Variants in KLF8 observed in about 807,000 individuals in gnomAD.
KLF8 encodes the protein KLF transcription factor 8, also known as Krueppel-like factor 8.
In KLF8, 10 loss-of-function variants were observed where a neutral mutation model predicts 18.2. The ratio of observed to expected loss-of-function variants is 0.55; its 90% CI spans 0.34 to 0.93. The LOEUF is 0.93. KLF8 is among the 40% of genes least tolerant of loss of function. The probability of loss-of-function intolerance (pLI) is 0.02; values close to 1 mark genes in which losing one functional copy is unlikely to be tolerated. For synonymous variants in KLF8, 109 were observed against 97.3 expected (o/e 1.12, Z -0.71); for missense variants, 264 against 277.9 (o/e 0.95, Z 0.36).
At chrX:56,019,452 T>C in the KLF8 span, among the ~76,000 whole-genome samples, 11 of 112,601 alleles carry the variant, frequency 9.8e-5, no homozygotes, top group African/African-American at 3.2e-4. Flanking sequence ...TTAAAGGTTA[T>C]TGGATTATCT....
At chrX:56,080,005 A>G in the KLF8 span, among the ~76,000 whole-genome samples, 1 of 110,302 alleles carries the variant, frequency 9.1e-6, no homozygotes, top group Non-Finnish European at 1.9e-5. Flanking sequence ...TGCTTGGTAG[A>G]TCTTCCTCCA....
chrX:55,932,530 T>C, the KLF8 span, among the ~76,000 whole-genome samples: 3 of 112,085 alleles, frequency 2.7e-5, no homozygotes, highest in Non-Finnish European at 5.6e-5. Flanking sequence ...CCATATTTAG[T>C]GCTTCCTTCA....
At chrX:56,104,471 C>T in the KLF8 span, among the ~76,000 whole-genome samples, 2 of 111,577 alleles carry the variant, frequency 1.8e-5, no homozygotes, top group African/African-American at 6.5e-5. Context: ...GGAATTAATC[C>T]ATTTCTACTA....
the KLF8 span, among the ~76,000 whole-genome samples, chrX:56,005,744 C>T: frequency 8.9e-6 from 1 of 111,890 alleles, no homozygotes; most frequent in African/African-American, 3.3e-5. Context: ...TGTGCACACA[C>T]TGGCAGAGAA....
chrX:56,061,513 A>T, the KLF8 span, among the ~76,000 whole-genome samples: 2 of 111,875 alleles, frequency 1.8e-5, no homozygotes, highest in Non-Finnish European at 3.8e-5. Context: ...ATTTGACTGC[A>T]CTGTGGTCTG....
the KLF8 span, among the ~76,000 whole-genome samples, chrX:56,001,483 G>A: frequency 1.8e-5 from 2 of 111,669 alleles, no homozygotes; most frequent in Non-Finnish European, 1.9e-5. Context: ...TCTCCCTTTT[G>A]CATCTTCAAT....
chrX:56,265,258 G>A lies in KLF8; in HGVS notation c.160G>A (p.Ala54Thr). 8.3e-7 allele frequency: 1 copy of A among 1,209,011 alleles called. No homozygotes were observed. The highest frequency in any genetic ancestry group is 1.1e-6 in the Non-Finnish European group (1 of 893,839). Residue 54 changes from alanine (A) to threonine (T), a missense_variant, in exon 3 of 6, where the codon GCC becomes ACC. Physicochemically the swap from Ala to Thr is moderately conservative, Grantham distance 58 (BLOSUM62 0). This residue lies in a region of KLF8 where 221 missense variants were observed against 193.6 expected (regional missense o/e 1.14). Coordinates refer to ENST00000468660, the MANE Select transcript of KLF8 (RefSeq NM_007250.5). ...SNMTSPTLLD[A>T]NPMENPALFN... The stretch of plus-strand genomic sequence containing the variant: ...TATGACTTCTCCAACACTCCTGGAT[G>A]CCAACCCCATGGAGAACCCAGCACT...
chrX:56,066,574 C>T, the KLF8 span, among the ~76,000 whole-genome samples: 3 of 111,895 alleles, frequency 2.7e-5, no homozygotes, highest in East Asian at 8.5e-4. Context: ...GGTAGCTTGT[C>T]TTCATTGCAC....
At chrX:56,122,836 G>C in the KLF8 span, among the ~76,000 whole-genome samples, 1 of 110,944 alleles carries the variant, frequency 9.0e-6, no homozygotes, top group African/African-American at 3.3e-5. Context: ...TGATCCTCCT[G>C]CCGAGGCCTC....
At chrX:56,014,049 C>T in the KLF8 span, among the ~76,000 whole-genome samples, 5 of 111,411 alleles carry the variant, frequency 4.5e-5, no homozygotes, top group Admixed American at 9.6e-5. Context: ...AAAATCTAGG[C>T]GATACCATTC....
chrX:56,085,902 A>G, the KLF8 span, among the ~76,000 whole-genome samples: 189 of 112,219 alleles, frequency 1.7e-3, 1 homozygote, highest in Non-Finnish European at 4.7e-4. Flanking sequence ...AGTCTCAGAT[A>G]TGCACACTAT....
chrX:56,023,211 A>G, the KLF8 span, among the ~76,000 whole-genome samples: 2 of 111,887 alleles, frequency 1.8e-5, no homozygotes, highest in African/African-American at 3.2e-5. Flanking sequence ...TTAAGATGGT[A>G]TATGGCAAAA....
At chrX:56,083,149 G>A in the KLF8 span, among the ~76,000 whole-genome samples, 3 of 111,916 alleles carry the variant, frequency 2.7e-5, no homozygotes, top group Middle Eastern at 4.2e-3. Context: ...TTACCACAAT[G>A]TGTAAATTAT....
At chrX:56,000,491 G>GGGTT in the KLF8 span, among the ~76,000 whole-genome samples, 1 of 36,452 alleles carries the variant, frequency 2.7e-5, no homozygotes, top group African/African-American at 6.7e-5. Context: ...GGGGGGGAGG[G>GGGTT]ATTTTTTTTT....
the KLF8 span, among the ~76,000 whole-genome samples, chrX:56,106,242 C>T: frequency 9.0e-6 from 1 of 111,163 alleles, no homozygotes; most frequent in Non-Finnish European, 1.9e-5. Context: ...CTATGTATTT[C>T]CTGAATTTGA....
At chrX:56,111,810 A>G in the KLF8 span, among the ~76,000 whole-genome samples, 1 of 112,177 alleles carries the variant, frequency 8.9e-6, no homozygotes, top group South Asian at 3.7e-4. Flanking sequence ...TAGAATGGCG[A>G]TCATTAAAAA....
chrX:56,019,160 A>T, the KLF8 span, among the ~76,000 whole-genome samples: 1 of 112,274 alleles, frequency 8.9e-6, no homozygotes, highest in Non-Finnish European at 1.9e-5. Context: ...TATAAAAAAA[A>T]TAGTAACAGC....
chrX:56,247,862 A>G (rs1255262272), intron 1 of KLF8, among the ~76,000 whole-genome samples: 1 of 111,585 alleles, frequency 9.0e-6, no homozygotes, highest in Admixed American at 9.6e-5. Flanking sequence ...GTACACTCTA[A>G]AATGATGATA....
At chrX:56,222,509 C>T in the KLF8 span, among the ~76,000 whole-genome samples, 1 of 112,646 alleles carries the variant, frequency 8.9e-6, no homozygotes, top group African/African-American at 3.2e-5. Context: ...GTTCTCCAAG[C>T]TCCCACTAGA....
Sources: gnomAD v4.1 joint callset for allele counts (sites outside exome capture counted in the v4.1 genomes callset) on GRCh38, gnomAD v4.1.1 for gene constraint, gnomAD v4.1.1 regional missense constraint, MANE v1.5 for transcripts, NCBI Gene and HGNC (gene_info 2026-07-23, HGNC 2026-07-21) for gene names.